DISP3: variants seen among roughly 807,000 people sequenced by gnomAD.
DISP3 encodes protein dispatched homolog 3.
DISP3 carries 101 observed loss-of-function variants against 135.3 expected under a neutral mutation model. The ratio of observed to expected loss-of-function variants is 0.75; its 90% CI spans 0.64 to 0.88. DISP3 has a LOEUF of 0.88. Ranked by LOEUF, DISP3 falls within the 40% of genes least tolerant of loss-of-function variation. The pLI, the probability that DISP3 is intolerant of heterozygous loss-of-function variation, is 0.00. For missense variants in DISP3, 1,713 were observed against 1,878.6 expected (o/e 0.91, Z 1.63); for synonymous variants, 856 against 817.0 (o/e 1.05, Z -0.81).
intron 1 of DISP3, among the ~76,000 whole-genome samples, chr1:11,484,956 G>T (rs916897924): frequency 2.0e-5 from 3 of 152,142 alleles, no homozygotes; most frequent in African/African-American, 7.2e-5. Context: ...TGTGTGCCAG[G>T]TGTGGGCTTG....
In DISP3 at chr1:11,535,654, C is replaced by T; in HGVS notation, c.3816+10C>T. ...CCCCCACCAGGCCGAGGTGCGCACC[C>T]TGCCCGCCTTACCCACTTCCCACCA... On this transcript the variant is annotated intron_variant, in intron 20 of 20. Coordinates refer to ENST00000294484, the MANE Select transcript of DISP3 (RefSeq NM_020780.2). 1 of 1,607,278 alleles carries T rather than the reference C, an allele frequency of 6.2e-7. No individual in the cohort carries two copies. The highest frequency in any genetic ancestry group is 8.5e-7 in the Non-Finnish European group (1 of 1,177,804).
chr1:11,533,253 C>CTT (rs70983563), intron 17 of DISP3, among the ~76,000 whole-genome samples: 11 of 103,980 alleles, frequency 1.1e-4, no homozygotes, highest in African/African-American at 2.1e-4. Flanking sequence ...GTGACTGTTT[C>CTT]TTTTTTTTTT....
chr1:11,523,478 G>A (rs1368889991), intron 10 of DISP3, among the ~76,000 whole-genome samples: 1 of 147,840 alleles, frequency 6.8e-6, no homozygotes, highest in Non-Finnish European at 1.5e-5. Context: ...GAGAGGGCAA[G>A]CGGGGGCAGA....
At chr1:11,526,945 T>C (rs1204371058) in intron 13 of DISP3, 110 bp downstream of exon 13, 12 of 399,864 alleles carry the variant, frequency 3.0e-5, no homozygotes, top group African/African-American at 1.7e-4. Context: ...GCCCCCTCAC[T>C]TTTTTTTTTT....
At position 11,531,183 on chromosome 1, in the gene DISP3, C is replaced by T. The variant is rs1355658245; in HGVS notation, c.3229+150C>T. ...TGTGTATCTGTGCTGAGCATGTCCA[C>T]ACCAGGGTGGGGTGTGTGCCGGCAG... On this transcript the variant is annotated intron_variant, in intron 16 of 20. Transcript: ENST00000294484. This position sits in a 1 kb window ranked among gnomAD's most constrained non-coding sequence, Gnocchi z 5.2. The T allele has an allele frequency of 4.5e-6, 6 of 1,321,842 alleles. No homozygotes were observed. The highest frequency in any genetic ancestry group is 2.3e-5 in the Admixed American group (1 of 43,856). The allele number at this position is 1,321,842 out of a possible 1,614,324, so 81.9% of individuals were successfully genotyped here.
intron 1 of DISP3, among the ~76,000 whole-genome samples, chr1:11,488,952 C>T (rs965850789): frequency 2.8e-4 from 42 of 152,130 alleles, no homozygotes; most frequent in Non-Finnish European, 4.4e-4. Flanking sequence ...TCAGTCCCAC[C>T]GCCTCCCCCG....
intron 3 of DISP3, among the ~76,000 whole-genome samples, chr1:11,505,243 T>C (rs1231827917): frequency 6.6e-6 from 1 of 152,250 alleles, no homozygotes; most frequent in Non-Finnish European, 1.5e-5. Flanking sequence ...AATGTGAGTT[T>C]GTTGAAGACT....
chr1:11,524,901 C>G (rs1393874474), intron 11 of DISP3, among the ~76,000 whole-genome samples: 1 of 137,984 alleles, frequency 7.2e-6, no homozygotes, highest in African/African-American at 2.7e-5. Flanking sequence ...TGCCCACTAT[C>G]TCCCCCACCA....
intron 1 of DISP3, among the ~76,000 whole-genome samples, chr1:11,482,657 T>C (rs1248162995): frequency 1.3e-5 from 2 of 152,190 alleles, no homozygotes; most frequent in African/African-American, 4.8e-5. Context: ...ATTAGCCTTT[T>C]TGGTTCCCTT....
Position 11,515,454 on chromosome 1 carries a change from G to A in DISP3, c.1539G>A (p.Gln513=), listed in dbSNP as rs1641983048. Reference sequence around the variant, plus strand: ...TGTACCACGTGGTCTTTGGTATCCAGTACTTGGGCATCCTGAATGGGGTGG... The same window carrying A: ...TGTACCACGTGGTCTTTGGTATCCAATACTTGGGCATCCTGAATGGGGTGG... ...LFLYHVVFGI[Q]YLGILNGVAA... Residue 513 remains glutamine, a synonymous_variant, in exon 5 of 21, where the codon CAG becomes CAA. Coordinates refer to ENST00000294484, the MANE Select transcript of DISP3 (RefSeq NM_020780.2). 1 of 1,613,442 alleles carries A rather than the reference G, an allele frequency of 6.2e-7. No homozygotes were observed. Among genetic ancestry groups the A allele is most frequent in the East Asian group, 2.2e-5 (1 of 44,880 alleles).
rs145618905 is a variant in DISP3, at chr1:11,507,207, C to T, written c.1316+4310C>T. 2.9e-3 allele frequency among the ~76,000 whole-genome samples: 446 copies of T among 151,932 alleles called. 6 individuals carry two copies. Among genetic ancestry groups the T allele is most frequent in the African/African-American group, 0.01 (416 of 41,480 alleles). The stretch of plus-strand genomic sequence containing the variant: ...TAGAGTCGTGGCTGATTACCTTAAA[C>T]GGGCAGTGACCACACTGAGAGTTGA... On this transcript the variant is annotated intron_variant, in intron 3 of 20. Coordinates refer to ENST00000294484, the MANE Select transcript of DISP3 (RefSeq NM_020780.2).
chr1:11,535,175 A>T (rs4845867), intron 19 of DISP3, 51 bp downstream of exon 19: 1 of 1,515,576 alleles, frequency 6.6e-7, no homozygotes, highest in East Asian at 2.4e-5. Flanking sequence ...ACGGGAACAG[A>T]CAGTCTCCCC....
Position 11,534,351 on chromosome 1 carries a change from T to A in DISP3, c.3376-30T>A, listed in dbSNP as rs1342029334. ...GGGCGGGTGGGCCACAGTCCCTGCC[T>A]GTCTCACTAGCTCACATCTCTCCCC... On this transcript the variant is annotated intron_variant, in intron 17 of 20. Coordinates refer to ENST00000294484, the MANE Select transcript of DISP3 (RefSeq NM_020780.2). The A allele has an allele frequency of 9.3e-6, 15 of 1,613,682 alleles. No individual in the cohort carries two copies. In the Admixed American group the frequency reaches 2.5e-4, roughly 27 times the overall value.
chr1:11,515,059 T>C (rs1420352112), intron 4 of DISP3, among the ~76,000 whole-genome samples: 2 of 152,242 alleles, frequency 1.3e-5, no homozygotes, highest in Non-Finnish European at 2.9e-5. Context: ...CACCAAACTA[T>C]ATGCCAGATG....
rs1337839556 is a variant in DISP3 at position 11,524,068 on chromosome 1, G to A, written c.2476+13G>A. On this transcript the variant is annotated intron_variant, in intron 11 of 20. Transcript: ENST00000294484. ...GCCACCCTGCAGGGTGAGCACTGGG[G>A]GTGGAGGGTGGGGAAATCCTCCCTG... 8 of 1,584,656 alleles carry A rather than the reference G, an allele frequency of 5.0e-6. No individual in the cohort carries two copies. The East Asian group carries it at 1.3e-4, about 27-fold the overall frequency.
chr1:11,501,855 A>G lies in DISP3; in HGVS notation c.863A>G (p.Asn288Ser). The G allele has an allele frequency of 1.2e-6, 2 of 1,612,780 alleles. No homozygotes were observed. Among genetic ancestry groups the G allele is most frequent in the African/African-American group, 1.3e-5 (1 of 75,058 alleles). ...IFLARGDAERNIFTSERLVTI... is the reference protein window; with the variant it reads ...IFLARGDAERSIFTSERLVTI... Reference sequence around the variant, plus strand: ...CTGGCGCGCGGCGACGCGGAGCGCAACATTTTCACCAGTGAGCGCCTGGTC... The same window carrying G: ...CTGGCGCGCGGCGACGCGGAGCGCAGCATTTTCACCAGTGAGCGCCTGGTC... The change falls in exon 2 of 21, where the codon AAC becomes AGC. Residue 288 changes from asparagine to serine, a missense_variant. This residue lies in a region of DISP3 where 571 missense variants were observed against 494.1 expected (regional missense o/e 1.16). Transcript: ENST00000294484. This position sits in a 1 kb window ranked among gnomAD's most constrained non-coding sequence, Gnocchi z 4.9.
chr1:11,488,830 ACTTC>A (rs1329503595), intron 1 of DISP3, among the ~76,000 whole-genome samples: 2 of 152,322 alleles, frequency 1.3e-5, no homozygotes, highest in African/African-American at 4.8e-5. Context: ...AAGTCCCTTC[ACTTC>A]CTTAGCCTCA....
At chr1:11,523,820 C>G in intron 10 of DISP3, 122 bp from the exon 11 acceptor site, 1 of 689,108 alleles carries the variant, frequency 1.5e-6, no homozygotes, top group East Asian at 2.8e-5. Context: ...CACCCACCCC[C>G]TCCAGTCCCT....
chr1:11,527,522 T>A (rs1570142951), intron 13 of DISP3, among the ~76,000 whole-genome samples: 1 of 145,734 alleles, frequency 6.9e-6, no homozygotes, highest in African/African-American at 2.6e-5. Context: ...CACTCCAGCC[T>A]GGGCAACAGA....
Sources: allele counts gnomAD v4.1 joint callset (sites outside exome capture counted in the v4.1 genomes callset), GRCh38; gene constraint gnomAD v4.1.1; regional missense constraint gnomAD v4.1.1; non-coding constraint Gnocchi (gnomAD v3.1); transcripts MANE v1.5; gene names NCBI Gene and HGNC (gene_info 2026-07-23, HGNC 2026-07-21).